ZNF536: variants seen among roughly 807,000 people sequenced by gnomAD.
ZNF536 encodes zinc finger protein 536.
In ZNF536, 13 loss-of-function variants were observed where a neutral mutation model predicts 84.5. The ratio of observed to expected loss-of-function variants is 0.15; its 90% confidence interval spans 0.10 to 0.24. The LOEUF is 0.24. Among genes scored for constraint, ZNF536 ranks in the 10% least tolerant of loss-of-function variants. The pLI, the probability that ZNF536 is intolerant of heterozygous loss-of-function variation, is 1.00. For synonymous variants in ZNF536, 811 were observed against 742.5 expected, an observed-to-expected ratio of 1.09 and a Z score of -1.50; for missense variants, 1,536 against 1,747.5, an observed-to-expected ratio of 0.88 and a Z score of 2.16.
intron 1 of ZNF536, among the ~76,000 whole-genome samples, chr19:30,687,299 C>T (rs977715115): frequency 6.6e-6 from 1 of 152,194 alleles, no homozygotes; most frequent in Non-Finnish European, 1.5e-5. Flanking sequence ...TTGCTACATT[C>T]CCACATGTGG....
downstream of ZNF536, among the ~76,000 whole-genome samples, chr19:30,559,751 G>T (rs1206158042): frequency 2.6e-5 from 4 of 152,134 alleles, no homozygotes; most frequent in East Asian, 7.7e-4. Context: ...CCAGCCCTTT[G>T]CATTGACAGC....
At chr19:30,707,181 C>G (rs2052277277) in intron 1 of ZNF536, among the ~76,000 whole-genome samples, 1 of 152,112 alleles carries the variant, frequency 6.6e-6, no homozygotes, top group Admixed American at 6.5e-5. Flanking sequence ...CTACTTGGAA[C>G]TCACTCATGC....
At chr19:30,462,307 T>C (rs1312532436) in intron 2 of ZNF536, among the ~76,000 whole-genome samples, 1 of 151,056 alleles carries the variant, frequency 6.6e-6, no homozygotes, top group African/African-American at 2.4e-5. Flanking sequence ...TGTGTGAGTG[T>C]GTGTGTGTGT....
At chr19:30,361,728 G>A (rs1055653090) in intron 3 of ZNF536, among the ~76,000 whole-genome samples, 5 of 151,444 alleles carry the variant, frequency 3.3e-5, no homozygotes, top group African/African-American at 1.2e-4. Flanking sequence ...GTGGGTGGTG[G>A]GGTTGAGCCT....
intron 1 of ZNF536, among the ~76,000 whole-genome samples, chr19:30,573,078 C>A (rs1018723535): frequency 2.0e-5 from 3 of 152,112 alleles, no homozygotes; most frequent in Non-Finnish European, 4.4e-5. Flanking sequence ...AAGACAAAGA[C>A]CCTCAGATGA....
In ZNF536 at chr19:30,445,660, G is replaced by C. The variant is rs969251122; in HGVS notation, c.2098G>C (p.Val700Leu). ...GSSNVTEESGVGGGLSQTGSA... is the reference protein window; with the variant it reads ...GSSNVTEESGLGGGLSQTGSA... ...CTCTAACGTCACCGAGGAGAGCGGG[G>C]TCGGAGGCGGCCTCTCCCAGACCGG... is the stretch of plus-strand genomic sequence containing the variant. The change falls in exon 2 of 5, where the codon GTC becomes CTC. Residue 700 changes from valine to leucine, a missense_variant. Val to Leu is a conservative substitution (Grantham distance 32, BLOSUM62 1). Transcript: ENST00000355537. The surrounding 1 kb of genome is among the most constrained non-coding windows in gnomAD (Gnocchi z 4.5). 2 of 1,609,516 alleles carry C rather than the reference G, an allele frequency of 1.2e-6. No homozygotes were observed. Among genetic ancestry groups the C allele is most frequent in the Admixed American group, 1.7e-5 (1 of 59,770 alleles).
At chr19:30,280,244 C>G (rs2045392432) in intron 1 of ZNF536, among the ~76,000 whole-genome samples, 1 of 152,052 alleles carries the variant, frequency 6.6e-6, no homozygotes, top group African/African-American at 2.4e-5. Context: ...TCTCTTTCCT[C>G]CTGCCCCCCT....
intron 1 of ZNF536, among the ~76,000 whole-genome samples, chr19:30,392,445 G>A (rs2049635337): frequency 6.6e-6 from 1 of 152,184 alleles, no homozygotes; most frequent in South Asian, 2.1e-4. Context: ...TGGAAGGGCT[G>A]GGATGTAGAA....
chr19:30,577,406 A>AT (rs2046778518), intron 1 of ZNF536, among the ~76,000 whole-genome samples: 3 of 152,236 alleles, frequency 2.0e-5, no homozygotes, highest in Non-Finnish European at 4.4e-5. Flanking sequence ...AAGTCAGTTC[A>AT]TTAGTTAGTT....
At chr19:30,701,481 ACAC>A (rs2051972462) in intron 1 of ZNF536, among the ~76,000 whole-genome samples, 2 of 152,086 alleles carry the variant, frequency 1.3e-5, no homozygotes, top group South Asian at 4.2e-4. Flanking sequence ...ACACAGACAC[ACAC>A]AAACACACAC....
intron 1 of ZNF536, among the ~76,000 whole-genome samples, chr19:30,429,563 G>A (rs2051359952): frequency 6.6e-6 from 1 of 152,144 alleles, no homozygotes; most frequent in East Asian, 1.9e-4. Flanking sequence ...GAACAAGATT[G>A]TTGTTCTCAA....
At chr19:30,386,676 C>T (rs1366697167) in intron 1 of ZNF536, among the ~76,000 whole-genome samples, 2 of 152,258 alleles carry the variant, frequency 1.3e-5, no homozygotes, top group African/African-American at 2.4e-5. Flanking sequence ...TGATGCCTGG[C>T]CTCTTGTCTC....
intron 1 of ZNF536, among the ~76,000 whole-genome samples, chr19:30,679,927 C>A (rs961958718): frequency 2.6e-5 from 4 of 152,140 alleles, no homozygotes; most frequent in Admixed American, 1.3e-4. Flanking sequence ...CACAGGTGAA[C>A]GAGTTTCCTG....
At position 30,532,206 on chromosome 19, in the gene ZNF536, C is replaced by T. The variant is rs145386450; in HGVS notation, c.2171-2641C>T. On this transcript the variant is annotated intron_variant, in intron 2 of 4. Coordinates refer to ENST00000355537, the MANE Select transcript of ZNF536 (RefSeq NM_014717.3). Reference sequence around the variant, plus strand: ...GTATGGTGGTGCGATCTCAGCTCACCGCAACCTCCACCTCCCAGGCTCAAG... The same window carrying T: ...GTATGGTGGTGCGATCTCAGCTCACTGCAACCTCCACCTCCCAGGCTCAAG... 7.1e-3 allele frequency among the ~76,000 whole-genome samples: 1,073 copies of T among 152,012 alleles called. 10 individuals carry two copies. The highest frequency in any genetic ancestry group is 0.024 in the African/African-American group (981 of 41,464).
intron 1 of ZNF536, among the ~76,000 whole-genome samples, chr19:30,386,938 C>T (rs1412782291): frequency 6.6e-6 from 1 of 152,236 alleles, no homozygotes; most frequent in Non-Finnish European, 1.5e-5. Context: ...CTTCCGAGGG[C>T]TTATCCAAAG....
Position 30,351,959 on chromosome 19 carries a change from A to G in ZNF536, c.-119-409A>G, listed in dbSNP as rs556507375. 3.7e-4 allele frequency among the ~76,000 whole-genome samples: 57 copies of G among 152,336 alleles called. 1 individual carries two copies. The South Asian group carries it at 0.011, about 29-fold the overall frequency. ...CGCTCCTGCCAATATAATCATATCA[A>G]TCCCTGTTTCTTTAACAAAACAGGA... On this transcript the variant is annotated intron_variant, in intron 2 of 5. Transcript: ENST00000585628.
chr19:30,629,782 CCA>C (rs1230148554), intron 1 of ZNF536, among the ~76,000 whole-genome samples: 1 of 152,246 alleles, frequency 6.6e-6, no homozygotes, highest in Non-Finnish European at 1.5e-5. Flanking sequence ...ACCAGTGCAT[CCA>C]CATTCACTCC....
chr19:30,701,801 G>A (rs1212996966), intron 1 of ZNF536, among the ~76,000 whole-genome samples: 1 of 152,204 alleles, frequency 6.6e-6, no homozygotes, highest in Non-Finnish European at 1.5e-5. Flanking sequence ...AATCTCCCTG[G>A]ATCGGGGATT....
At chr19:30,363,058 C>CA (rs34620914) in intron 3 of ZNF536, among the ~76,000 whole-genome samples, 4,345 of 141,826 alleles carry the variant, frequency 0.031, 209 homozygotes, top group African/African-American at 0.1. Flanking sequence ...GACTCCATCT[C>CA]AAAAAAAAAA....
Sources: allele counts gnomAD v4.1 joint callset (sites outside exome capture counted in the v4.1 genomes callset), GRCh38; gene constraint gnomAD v4.1.1; non-coding constraint Gnocchi (gnomAD v3.1); transcripts MANE v1.5; gene names NCBI Gene and HGNC (gene_info 2026-07-23, HGNC 2026-07-21).